CENPK: variants seen among roughly 807,000 people sequenced by gnomAD.
The protein encoded by CENPK is centromere protein K, also known as SoxLZ/Sox6-binding protein Solt.
Under a neutral mutation model 40.9 loss-of-function variants are expected in CENPK, and 46 were observed. That is an observed-to-expected ratio of 1.13 (90% confidence interval 0.89 to 1.44). The LOEUF (loss-of-function observed/expected upper bound fraction) is 1.44, where lower values mean the gene tolerates loss of function less well. Among genes scored for constraint, CENPK ranks in the 40% most tolerant of loss-of-function variants. The pLI is 0.00. For missense variants in CENPK, 288 were observed against 303.5 expected (o/e 0.95, Z 0.38); for synonymous variants, 107 against 104.4 (o/e 1.02, Z -0.15).
chr5:65,552,823 T>C lies in CENPK; in HGVS notation c.112-274A>G, dbSNP rs1013393985. Reference sequence around the variant, plus strand: ...CTAGAATGAATTATAAGTCAGATAATTGGAAAGTGGGAGATAAAAAAATAA... The same window carrying C: ...CTAGAATGAATTATAAGTCAGATAACTGGAAAGTGGGAGATAAAAAAATAA... On this transcript the variant is annotated intron_variant, in intron 3 of 10. Transcript: ENST00000396679. Among the ~76,000 whole-genome samples the C allele has an allele frequency of 3.4e-5, 5 of 147,490 alleles. No homozygotes were observed. The East Asian group carries it at 5.8e-4, about 17-fold the overall frequency.
At chr5:65,545,063 C>T (rs181378030) in intron 5 of CENPK, among the ~76,000 whole-genome samples, 1 of 151,998 alleles carries the variant, frequency 6.6e-6, no homozygotes, top group African/African-American at 2.4e-5. Flanking sequence ...CTAAACAAAA[C>T]CTGAGGGACT....
Position 65,518,574 on chromosome 5 carries a change from G to A in CENPK, c.711C>T (p.Ser237=). 6.2e-7 allele frequency: 1 copy of A among 1,608,764 alleles called. No individual in the cohort carries two copies. Among genetic ancestry groups the A allele is most frequent in the Non-Finnish European group, 8.5e-7 (1 of 1,176,218 alleles). ...PHDPYVKISD[S]FWPPYVELLL... is the part of the protein sequence containing the mutation. ...GCAGCTCAACATAAGGTGGCCAAAA[G>A]GAATCACTAATTTTGACATATGGAT... is the stretch of plus-strand genomic sequence containing the variant. Residue 237 remains serine, a synonymous_variant, in exon 11 of 11, where the codon TCC becomes TCT. Coordinates refer to ENST00000396679, the MANE Select transcript of CENPK (RefSeq NM_022145.5).
chr5:65,535,036 G>A (rs1746617409), intron 6 of CENPK, among the ~76,000 whole-genome samples: 2 of 152,128 alleles, frequency 1.3e-5, no homozygotes, highest in South Asian at 4.1e-4. Context: ...GGGCAACATT[G>A]CAAATCCCAT....
chr5:65,558,050 C>T (rs1751283438), intron 2 of CENPK, among the ~76,000 whole-genome samples: 1 of 152,110 alleles, frequency 6.6e-6, no homozygotes, highest in Non-Finnish European at 1.5e-5. Flanking sequence ...GAGACTGAGG[C>T]TGCAGTGAGC....
At chr5:65,528,411 C>T (rs765895811) in intron 9 of CENPK, 41 bp downstream of exon 9, 24 of 1,549,434 alleles carry the variant, frequency 1.5e-5, no homozygotes, top group Non-Finnish European at 2.1e-5. Context: ...AAAATAATTT[C>T]AAATATGATA....
chr5:65,530,580 T>A (rs183933507), intron 6 of CENPK, among the ~76,000 whole-genome samples: 1 of 152,346 alleles, frequency 6.6e-6, no homozygotes, highest in Non-Finnish European at 1.5e-5. Flanking sequence ...ATTCTCCTGA[T>A]CACAAGGGTT....
intron 6 of CENPK, among the ~76,000 whole-genome samples, chr5:65,536,654 G>T (rs945505377): frequency 1.3e-5 from 2 of 151,432 alleles, no homozygotes; most frequent in African/African-American, 4.9e-5. Context: ...GTAGGGATTG[G>T]GGGGGAGAAT....
chr5:65,496,004 T>G, the CENPK span, among the ~76,000 whole-genome samples: 6 of 152,136 alleles, frequency 3.9e-5, no homozygotes, highest in Non-Finnish European at 7.4e-5. Flanking sequence ...TGCCTGTAAT[T>G]CCAGCACTCT....
intron 6 of CENPK, among the ~76,000 whole-genome samples, chr5:65,532,049 C>T (rs1231380562): frequency 6.6e-6 from 1 of 152,030 alleles, no homozygotes; most frequent in Non-Finnish European, 1.5e-5. Context: ...TCACCAATAT[C>T]AGGAATGAGA....
intron 3 of CENPK, among the ~76,000 whole-genome samples, chr5:65,553,877 A>G (rs141173996): frequency 6.6e-6 from 1 of 152,168 alleles, no homozygotes; most frequent in Non-Finnish European, 1.5e-5. Context: ...CCCAAACCGC[A>G]TATCTGATCA....
chr5:65,528,253 C>T lies in CENPK; in HGVS notation c.597+199G>A, dbSNP rs149034966. 3.7e-3 allele frequency among the ~76,000 whole-genome samples: 555 copies of T among 149,204 alleles called. 3 individuals carry two copies. The highest frequency in any genetic ancestry group is 0.013 in the African/African-American group (525 of 40,646). On this transcript the variant is annotated intron_variant, in intron 9 of 10. Transcript: ENST00000396679. ...GAGACTCTGTCCCCCCGCCCCCCTG[C>T]CCCCAAAAATATACATATACTTAAT...
chr5:65,505,765 T>C, the CENPK span, among the ~76,000 whole-genome samples: 1 of 152,270 alleles, frequency 6.6e-6, no homozygotes, highest in Non-Finnish European at 1.5e-5. Context: ...TTCTGGAGAT[T>C]TTTCAGCTAT....
intron 9 of CENPK, among the ~76,000 whole-genome samples, chr5:65,523,023 T>G (rs1437353250): frequency 6.6e-6 from 1 of 152,252 alleles, no homozygotes; most frequent in African/African-American, 2.4e-5. Context: ...TAGCTAAAAA[T>G]GTCTTCCTTA....
At chr5:65,552,287 T>C (rs532398759) in intron 4 of CENPK, among the ~76,000 whole-genome samples, 57 of 152,358 alleles carry the variant, frequency 3.7e-4, no homozygotes, top group Admixed American at 9.8e-4. Context: ...AAATACTCTC[T>C]TATTTATAAT....
chr5:65,523,649 T>C (rs903533782), intron 9 of CENPK, among the ~76,000 whole-genome samples: 1 of 152,120 alleles, frequency 6.6e-6, no homozygotes, highest in African/African-American at 2.4e-5. Context: ...GGTTAAATTA[T>C]AAAGACTTGA....
At chr5:65,525,904 T>C (rs572931965) in intron 9 of CENPK, among the ~76,000 whole-genome samples, 1 of 152,180 alleles carries the variant, frequency 6.6e-6, no homozygotes, top group Non-Finnish European at 1.5e-5. Context: ...CTTGAACTTC[T>C]AGCCTCTACA....
At chr5:65,554,163 G>T (rs573305425) in intron 3 of CENPK, among the ~76,000 whole-genome samples, 1 of 146,456 alleles carries the variant, frequency 6.8e-6, no homozygotes. Context: ...TTTTTGAGAC[G>T]GAGTCTCACT....
the CENPK span, among the ~76,000 whole-genome samples, chr5:65,498,452 T>C: frequency 6.6e-6 from 1 of 152,022 alleles, no homozygotes; most frequent in African/African-American, 2.4e-5. Context: ...CCTCTTTACC[T>C]TTCCCCAGTT....
chr5:65,551,734 G>A lies in CENPK; in HGVS notation c.169-98C>T, dbSNP rs1390416508. 1.5e-5 allele frequency: 9 copies of A among 587,592 alleles called. No homozygotes were observed. The East Asian group carries it at 2.6e-4, about 17-fold the overall frequency. 36.4% of individuals were successfully genotyped at this position (587,592 alleles called of 1,614,324 possible). A position where few individuals can be genotyped will look rare whatever the true frequency, so the allele number is the denominator to read the frequency against. On this transcript the variant is annotated intron_variant, in intron 4 of 10. Coordinates refer to ENST00000396679, the MANE Select transcript of CENPK (RefSeq NM_022145.5). ...CTTAATATTTTAAAACTTTGCAGGGGGGTGGCATCCCTAACTCTCACGCTG... is the reference window on the plus strand; with the variant it reads ...CTTAATATTTTAAAACTTTGCAGGGAGGTGGCATCCCTAACTCTCACGCTG...
Sources: gnomAD v4.1 joint callset for allele counts (sites outside exome capture counted in the v4.1 genomes callset) on GRCh38, gnomAD v4.1.1 for gene constraint, MANE v1.5 for transcripts, NCBI Gene and HGNC (gene_info 2026-07-23, HGNC 2026-07-21) for gene names.